The following RASL12 variants were observed in gnomAD, a reference collection of about 807,000 sequenced individuals.
RASL12 encodes RAS like family 12, also known as ras-like protein family member 12.
In RASL12, 16 loss-of-function variants were observed where a neutral mutation model predicts 22.9. The observed-to-expected ratio is 0.70, with a 90% CI of 0.47 to 1.06. The LOEUF is 1.06. Among genes scored for constraint, RASL12 ranks in the 50% least tolerant of loss-of-function variants. The pLI, the probability that RASL12 is intolerant of heterozygous loss-of-function variation, is 0.00. For synonymous variants in RASL12, 159 were observed against 152.2 expected (o/e 1.04, Z -0.33); for missense variants, 306 against 353.1 (o/e 0.87, Z 1.07).
chr15:65,067,137 A>G (rs2086887022), intron 1 of RASL12, among the ~76,000 whole-genome samples: 1 of 151,662 alleles, frequency 6.6e-6, no homozygotes, highest in South Asian at 2.1e-4. Flanking sequence ...GGGGGAGTGG[A>G]CCTTCCCTGA....
rs368517404 is a variant in RASL12 at position 65,075,808 on chromosome 15, C to T, written c.70+721G>A. ...GCACCAATCAACACTCTGTATCTAG[C>T]TGCTCTGGTGGGGCCTTGGAAAACC... On this transcript the variant is annotated intron_variant, in intron 1 of 4. Transcript: ENST00000434605. Among the ~76,000 whole-genome samples the T allele has an allele frequency of 3.3e-5, 5 of 151,990 alleles. No individual in the cohort carries two copies. The East Asian group carries it at 9.7e-4, about 29-fold the overall frequency.
At position 65,053,510 on chromosome 15, in the gene RASL12, C is replaced by A. The variant is rs990580646; in HGVS notation, c.*1389G>T. The A allele has an allele frequency of 9.1e-7, 1 of 1,101,004 alleles. No individual in the cohort carries two copies. Among genetic ancestry groups the A allele is most frequent in the African/African-American group, 1.7e-5 (1 of 59,522 alleles). The allele number at this position is 1,101,004 out of a possible 1,614,324, so 68.2% of individuals were successfully genotyped here. A position where few individuals can be genotyped will look rare whatever the true frequency, so the allele number is the denominator to read the frequency against. On this transcript the variant is annotated 3_prime_UTR_variant, in exon 5 of 5. Coordinates refer to ENST00000220062, the MANE Select transcript of RASL12 (RefSeq NM_016563.4). Reference sequence around the variant, plus strand: ...GTCGGGAAGCCTGTAGGACTGCAAGCATGTGGTCTTGAGTAGTTCACAGCC... The same window carrying A: ...GTCGGGAAGCCTGTAGGACTGCAAGAATGTGGTCTTGAGTAGTTCACAGCC...
At chr15:65,067,583 A>G in intron 1 of RASL12, 150 bp downstream of exon 1, 1 of 954,270 alleles carries the variant, frequency 1.0e-6, no homozygotes. Context: ...AAACTGAGGC[A>G]AAGAAAATCA....
At chr15:65,068,626 TTGTGGCC>T (rs922297702), upstream of RASL12, among the ~76,000 whole-genome samples, 1 of 152,238 alleles carries the variant, frequency 6.6e-6, no homozygotes, top group Non-Finnish European at 1.5e-5. This position sits in a 1 kb window ranked among gnomAD's most constrained non-coding sequence, Gnocchi z 4.2. Flanking sequence ...TTGCATGTGT[TTGTGGCC>T]TGTTGTGTAA....
At chr15:65,064,753 T>C (rs2946635) in intron 2 of RASL12, among the ~76,000 whole-genome samples, 130,110 of 151,978 alleles carry the variant, frequency 0.86, 55,737 homozygotes, top group East Asian at 0.97. Flanking sequence ...CACACCACTA[T>C]GCCCAGCTAA....
At chr15:65,076,644 C>T (rs551255345) in exon 1 of RASL12, 31 of 712,926 alleles carry the variant, frequency 4.3e-5, no homozygotes, top group East Asian at 1.3e-4. Context: ...AGATGCCCTC[C>T]GGGCCTGCAG....
the RASL12 span, among the ~76,000 whole-genome samples, chr15:65,045,855 G>A: frequency 6.6e-6 from 1 of 152,222 alleles, no homozygotes; most frequent in African/African-American, 2.4e-5. Context: ...AAGCAAACTG[G>A]ATACGTGCTT....
chr15:65,055,114 G>A lies in RASL12; in HGVS notation c.586C>T (p.Leu196Phe), dbSNP rs2086712525. Reference protein sequence around the residue: ...ELEKSPLTRPLFISEERALPH... With the variant: ...ELEKSPLTRPFFISEERALPH... ...AGGGCCCTCTCCTCGGAGATGAAGA[G>A]GGGCCGGGTCAGGGGGCTCTTCTCC... The change falls in exon 5 of 5, where the codon CTC (leucine) becomes TTC (phenylalanine). Residue 196 changes from leucine (L) to phenylalanine (F), a missense_variant. Leu to Phe is a conservative substitution (Grantham distance 22). Coordinates refer to ENST00000220062, the MANE Select transcript of RASL12 (RefSeq NM_016563.4). 2 of 1,611,150 alleles carry A rather than the reference G, an allele frequency of 1.2e-6. No homozygotes were observed. The highest frequency in any genetic ancestry group is 1.1e-5 in the South Asian group (1 of 90,682).
At chr15:65,049,810 T>C (rs1390373249), downstream of RASL12, 4 of 387,714 alleles carry the variant, frequency 1.0e-5, no homozygotes, top group South Asian at 3.8e-5. Context: ...GTCCCATAAC[T>C]TTGGGCCAGA....
At chr15:65,050,818 TTC>T (rs1253146562), downstream of RASL12, among the ~76,000 whole-genome samples, 60 of 142,430 alleles carry the variant, frequency 4.2e-4, no homozygotes, top group African/African-American at 1.4e-3. Context: ...TCCTTTTTTT[TTC>T]TTTCTTCTTC....
chr15:65,066,948 T>C (rs1469939959), intron 1 of RASL12, among the ~76,000 whole-genome samples: 1 of 152,224 alleles, frequency 6.6e-6, no homozygotes, highest in African/African-American at 2.4e-5. Flanking sequence ...CATAGTTCAG[T>C]GTTGACACAA....
intron 2 of RASL12, among the ~76,000 whole-genome samples, chr15:65,059,992 T>C (rs554178442): frequency 6.6e-6 from 1 of 152,262 alleles, no homozygotes; most frequent in East Asian, 1.9e-4. Flanking sequence ...GAATGTGGTA[T>C]TAAACCCAAT....
chr15:65,048,180 CAAAAGAAAAA>C, the RASL12 span, among the ~76,000 whole-genome samples: 12 of 60,762 alleles, frequency 2.0e-4, no homozygotes, highest in East Asian at 2.0e-3. Flanking sequence ...GACTCCGTCT[CAAAAGAAAAA>C]AAAAGAAAAA....
At chr15:65,060,436 T>C (rs1291783776) in intron 2 of RASL12, among the ~76,000 whole-genome samples, 1 of 152,180 alleles carries the variant, frequency 6.6e-6, no homozygotes, top group Non-Finnish European at 1.5e-5. Context: ...CAAAAAGAAA[T>C]TTACATTGAT....
intron 1 of RASL12, among the ~76,000 whole-genome samples, chr15:65,075,091 G>A (rs545598401): frequency 1.3e-5 from 2 of 152,366 alleles, no homozygotes; most frequent in African/African-American, 2.4e-5. Flanking sequence ...CCAGGTGGGC[G>A]TGGGCTTGGC....
chr15:65,060,509 T>C (rs188404307), intron 2 of RASL12, among the ~76,000 whole-genome samples: 2 of 152,338 alleles, frequency 1.3e-5, no homozygotes, highest in East Asian at 1.9e-4. Context: ...TTTTTTTATA[T>C]ATATGGTTCT....
intron 4 of RASL12, among the ~76,000 whole-genome samples, chr15:65,055,732 C>T (rs35642173): frequency 0.011 from 1,689 of 152,272 alleles, 10 homozygotes; most frequent in Non-Finnish European, 0.017. Context: ...GAGAAGCAGT[C>T]GTTTGGACTG....
In RASL12 at chr15:65,053,896, TA is replaced by T; in HGVS notation, c.*1002del. 1 of 985,842 alleles carries T rather than the reference TA, an allele frequency of 1.0e-6. No individual in the cohort carries two copies. The highest frequency in any genetic ancestry group is 1.2e-6 in the Non-Finnish European group (1 of 829,944). The allele number at this position is 985,842 out of a possible 1,614,324, so 61.1% of individuals were successfully genotyped here. ...GCTGCGGTGACACCACCAAATAACA[TA>T]AGCAAAATTTTGCTTTATTAACCCA... On this transcript the variant is annotated 3_prime_UTR_variant, in exon 5 of 5. Coordinates refer to ENST00000220062, the MANE Select transcript of RASL12 (RefSeq NM_016563.4).
chr15:65,058,508 AGCTCCAGGTAGCT>A lies in RASL12; in HGVS notation c.331_343del (p.Ser111CysfsTer78), dbSNP rs1374095101. The A allele has an allele frequency of 6.2e-7, 1 of 1,611,348 alleles. No individual in the cohort carries two copies. The highest frequency in any genetic ancestry group is 8.5e-7 in the Non-Finnish European group (1 of 1,178,242). On this transcript the variant is annotated frameshift_variant, in exon 4 of 5. Coordinates refer to ENST00000220062, the MANE Select transcript of RASL12 (RefSeq NM_016563.4). LOFTEE classifies it high-confidence loss of function. ...TGTCTCCTTCGCGTGCAAGGCAAGC[AGCTCCAGGTAGCT>A]GCTGCTGCTATCAAAGCTCTGGCGG...
Sources: gnomAD v4.1 joint callset for allele counts (sites outside exome capture counted in the v4.1 genomes callset) on GRCh38, gnomAD v4.1.1 for gene constraint, Gnocchi (gnomAD v3.1) non-coding constraint, MANE v1.5 for transcripts, NCBI Gene and HGNC (gene_info 2026-07-23, HGNC 2026-07-21) for gene names.